The following TLN2 variants were observed in gnomAD, a reference collection of about 807,000 sequenced individuals.
TLN2 encodes the protein talin-2.
TLN2 carries 118 observed loss-of-function variants against 294.7 expected under a neutral mutation model. The ratio of observed to expected loss-of-function variants is 0.40; its 90% confidence interval spans 0.34 to 0.47. TLN2 has a LOEUF of 0.47. Among genes scored for constraint, TLN2 ranks in the 20% least tolerant of loss-of-function variants. The probability of loss-of-function intolerance (pLI) is 0.84; values close to 1 mark genes in which losing one functional copy is unlikely to be tolerated. For missense variants in TLN2, 3,083 were observed against 3,282.2 expected, an observed-to-expected ratio of 0.94 and a Z score of 1.48; for synonymous variants, 1,431 against 1,304.5, an observed-to-expected ratio of 1.10 and a Z score of -2.09.
chr15:62,423,390 A>C (rs2034525190), intron 1 of TLN2, among the ~76,000 whole-genome samples: 1 of 151,874 alleles, frequency 6.6e-6, no homozygotes, highest in Non-Finnish European at 1.5e-5. Flanking sequence ...AACAAAACAA[A>C]ACAACAACAA....
chr15:62,394,926 C>T (rs780381239), intron 1 of TLN2, among the ~76,000 whole-genome samples: 19 of 152,134 alleles, frequency 1.2e-4, no homozygotes, highest in African/African-American at 2.7e-4. Flanking sequence ...GTTTCAGAGA[C>T]GGTGCCAAGA....
chr15:62,463,705 G>A (rs1401361026), intron 1 of TLN2, among the ~76,000 whole-genome samples: 3 of 152,172 alleles, frequency 2.0e-5, no homozygotes, highest in Non-Finnish European at 4.4e-5. Flanking sequence ...CTAACACGGT[G>A]AAACCCCGTC....
At chr15:62,488,454 A>G (rs761572951) in intron 1 of TLN2, among the ~76,000 whole-genome samples, 4 of 152,332 alleles carry the variant, frequency 2.6e-5, no homozygotes, top group Non-Finnish European at 4.4e-5. Context: ...GGCAGTAATT[A>G]TAGATTCACA....
chr15:62,565,632 G>A (rs959875065), intron 1 of TLN2, among the ~76,000 whole-genome samples: 1 of 152,106 alleles, frequency 6.6e-6, no homozygotes, highest in Non-Finnish European at 1.5e-5. Context: ...CTAGGCAAAC[G>A]CTTTAAACTT....
chr15:62,440,122 C>G (rs1228558040), intron 1 of TLN2, among the ~76,000 whole-genome samples: 1 of 152,198 alleles, frequency 6.6e-6, no homozygotes. Flanking sequence ...ACACTGCTGT[C>G]TATCCCAGGT....
chr15:62,477,101 C>G (rs890196637), intron 1 of TLN2, among the ~76,000 whole-genome samples: 1 of 152,210 alleles, frequency 6.6e-6, no homozygotes, highest in East Asian at 1.9e-4. Context: ...CTAGAAACTT[C>G]CAATCCATGA....
chr15:62,497,379 CG>C (rs2039064380), intron 1 of TLN2, among the ~76,000 whole-genome samples: 1 of 152,158 alleles, frequency 6.6e-6, no homozygotes, highest in African/African-American at 2.4e-5. Context: ...AGGTGAAATG[CG>C]GTTAGGCTAA....
intron 30 of TLN2, among the ~76,000 whole-genome samples, chr15:62,738,798 T>C (rs1434123773): frequency 6.6e-6 from 1 of 152,160 alleles, no homozygotes; most frequent in Admixed American, 6.5e-5. Flanking sequence ...ATAGAGGCAA[T>C]GTTTGTGGGT....
At chr15:62,735,194 C>T (rs187900718) in intron 28 of TLN2, among the ~76,000 whole-genome samples, 110 of 152,334 alleles carry the variant, frequency 7.2e-4, no homozygotes, top group Admixed American at 1.0e-3. Flanking sequence ...CAGGCTTCAT[C>T]TGTGAAATTT....
intron 15 of TLN2, 145 bp from the exon 16 acceptor site, chr15:62,698,609 A>G (rs2058517836): frequency 3.2e-6 from 2 of 621,688 alleles, no homozygotes; most frequent in Non-Finnish European, 5.7e-6. Context: ...CCAGGTTGAA[A>G]TGGGAGATGG....
intron 3 of TLN2, among the ~76,000 whole-genome samples, chr15:62,642,202 A>G (rs1168946306): frequency 6.6e-6 from 1 of 152,232 alleles, no homozygotes; most frequent in Non-Finnish European, 1.5e-5. Flanking sequence ...ATGAATTTAT[A>G]CCCAGTCTTT....
At chr15:62,646,547 A>G (rs2051870920) in intron 3 of TLN2, among the ~76,000 whole-genome samples, 1 of 152,182 alleles carries the variant, frequency 6.6e-6, no homozygotes, top group African/African-American at 2.4e-5. Context: ...ATTGAGTTGC[A>G]TTTTATTCCC....
In TLN2 at chr15:62,735,563, A is replaced by G. The variant is rs117515024; in HGVS notation, c.3359-1315A>G. 3.4e-3 allele frequency among the ~76,000 whole-genome samples: 523 copies of G among 152,350 alleles called. 3 individuals are homozygous for G. The highest frequency in any genetic ancestry group is 6.7e-3 in the Admixed American group (102 of 15,310). Reference sequence around the variant, plus strand: ...GCTACACATGCATCAGAATGATTAAATTAAAATCCGATGCTACCTGGTGTT... The same window carrying G: ...GCTACACATGCATCAGAATGATTAAGTTAAAATCCGATGCTACCTGGTGTT... On this transcript the variant is annotated intron_variant, in intron 28 of 58. Transcript: ENST00000636159.
chr15:62,468,943 A>T (rs1180444387), intron 1 of TLN2, among the ~76,000 whole-genome samples: 2 of 152,190 alleles, frequency 1.3e-5, no homozygotes, highest in African/African-American at 4.8e-5. Flanking sequence ...CTACGAATAC[A>T]GCAATTGCCC....
rs12594802 is a variant in TLN2 at position 62,642,795 on chromosome 15, G to A, written c.-36-4480G>A. On this transcript the variant is annotated intron_variant, in intron 3 of 58. Transcript: ENST00000636159. ...TCATTGCGGGTTCAATGAGCCTCCC[G>A]GGTTCAAGCGATTCTCCTGCCTCAG... Among the ~76,000 whole-genome samples, 979 of 150,982 alleles carry A rather than the reference G, an allele frequency of 6.5e-3. 51 individuals are homozygous for A. The East Asian group carries it at 0.15, about 23-fold the overall frequency.
At chr15:62,677,667 C>CT (rs936678823) in intron 11 of TLN2, among the ~76,000 whole-genome samples, 6 of 151,796 alleles carry the variant, frequency 4.0e-5, no homozygotes, top group African/African-American at 7.3e-5. Context: ...ACATGGTAGA[C>CT]TTTTTTTTCC....
At chr15:62,728,449 A>G (rs991038388) in intron 28 of TLN2, among the ~76,000 whole-genome samples, 1 of 152,140 alleles carries the variant, frequency 6.6e-6, no homozygotes, top group Non-Finnish European at 1.5e-5. Context: ...CATAGTAAGC[A>G]TTTTCTAGCT....
At chr15:62,504,846 T>TGTGTGTGTGA (rs1207922838) in intron 1 of TLN2, among the ~76,000 whole-genome samples, 23 of 144,480 alleles carry the variant, frequency 1.6e-4, no homozygotes, top group African/African-American at 5.8e-4. Context: ...TGTGTGTGTG[T>TGTGTGTGTGA]GAGAGAGAGA....
chr15:62,467,004 G>A (rs751381432), intron 1 of TLN2, among the ~76,000 whole-genome samples: 2 of 152,228 alleles, frequency 1.3e-5, no homozygotes, highest in Non-Finnish European at 2.9e-5. Context: ...CGTTTTGTGA[G>A]CCTTGCCTCA....
Sources: allele counts gnomAD v4.1 joint callset (sites outside exome capture counted in the v4.1 genomes callset), GRCh38; gene constraint gnomAD v4.1.1; transcripts MANE v1.5; gene names NCBI Gene and HGNC (gene_info 2026-07-23, HGNC 2026-07-21).